DCC: variants seen among roughly 807,000 people sequenced by gnomAD.
DCC encodes the protein DCC netrin 1 receptor.
A neutral mutation model predicts 172.5 loss-of-function variants in DCC; 58 were observed. The ratio of observed to expected loss-of-function variants is 0.34; its 90% CI spans 0.27 to 0.42. The LOEUF (loss-of-function observed/expected upper bound fraction) is 0.42, where lower values mean the gene tolerates loss of function less well. DCC is among the 10% of genes least tolerant of loss of function. The pLI, the probability that DCC is intolerant of heterozygous loss-of-function variation, is 1.00. For missense variants in DCC, 1,740 were observed against 1,791.0 expected (o/e 0.97, Z 0.51); for synonymous variants, 709 against 644.5 (o/e 1.10, Z -1.52).
rs116957873 is a variant in DCC, at chr18:53,367,686, C to T, written c.2360-18357C>T. ...TAAATGACACCTGCCCATTCTCCTCCCTCCCTGTCCCTGGCAGCCACCACA... is the reference window on the plus strand; with the variant it reads ...TAAATGACACCTGCCCATTCTCCTCTCTCCCTGTCCCTGGCAGCCACCACA... On this transcript the variant is annotated intron_variant, in intron 15 of 28. Coordinates refer to ENST00000442544, the MANE Select transcript of DCC (RefSeq NM_005215.4). 5.6e-3 allele frequency among the ~76,000 whole-genome samples: 850 copies of T among 152,180 alleles called. 6 individuals are homozygous for T. Among genetic ancestry groups the T allele is most frequent in the Admixed American group, 0.024 (372 of 15,266 alleles).
intron 1 of DCC, among the ~76,000 whole-genome samples, chr18:52,552,753 C>G (rs1021633385): frequency 6.6e-6 from 1 of 151,918 alleles, no homozygotes; most frequent in East Asian, 1.9e-4. Context: ...TTCTAATTGA[C>G]TTGAAATTAT....
Position 52,458,376 on chromosome 18 carries a change from G to A in DCC, c.91+117498G>A, listed in dbSNP as rs1379801358. ...AGACTCATTGTCCCCCCCTGACTGCGTGTCTTAGGGGTACTGGGTGCAGTA... is the reference window on the plus strand; with the variant it reads ...AGACTCATTGTCCCCCCCTGACTGCATGTCTTAGGGGTACTGGGTGCAGTA... On this transcript the variant is annotated intron_variant, in intron 1 of 28. Coordinates refer to ENST00000442544, the MANE Select transcript of DCC (RefSeq NM_005215.4). Among the ~76,000 whole-genome samples the A allele has an allele frequency of 2.0e-5, 3 of 152,042 alleles. No homozygotes were observed. In the East Asian group the frequency reaches 5.8e-4, roughly 29 times the overall value.
At chr18:53,127,692 A>G (rs966825897) in intron 7 of DCC, among the ~76,000 whole-genome samples, 1 of 152,150 alleles carries the variant, frequency 6.6e-6, no homozygotes, top group African/African-American at 2.4e-5. Flanking sequence ...ATTTTTCTTC[A>G]AAGTAGTTAC....
At chr18:52,401,205 A>C (rs1182335864) in intron 1 of DCC, among the ~76,000 whole-genome samples, 1 of 152,002 alleles carries the variant, frequency 6.6e-6, no homozygotes. Flanking sequence ...GGACCGGTAA[A>C]GTTCATCAGA....
At position 52,761,951 on chromosome 18, in the gene DCC, A is replaced by C. The variant is rs186093484; in HGVS notation, c.412+9577A>C. 2.0e-5 allele frequency among the ~76,000 whole-genome samples: 3 copies of C among 152,042 alleles called. No homozygotes were observed. In the East Asian group the frequency reaches 5.8e-4, roughly 29 times the overall value. On this transcript the variant is annotated intron_variant, in intron 2 of 28. Coordinates refer to ENST00000442544, the MANE Select transcript of DCC (RefSeq NM_005215.4). Reference sequence around the variant, plus strand: ...GAAAAAAAAAAAGAAGAAGGAAAAAAAAGAATTTCCACAGCATCTGAGGAG... The same window carrying C: ...GAAAAAAAAAAAGAAGAAGGAAAAACAAGAATTTCCACAGCATCTGAGGAG...
At chr18:52,977,895 AG>A (rs1488979749) in intron 5 of DCC, among the ~76,000 whole-genome samples, 6 of 147,340 alleles carry the variant, frequency 4.1e-5, no homozygotes, top group Non-Finnish European at 7.5e-5. Flanking sequence ...AAAAAAAAAA[AG>A]AAAAGAAAAA....
chr18:53,062,185 G>A (rs1893457926), intron 5 of DCC, among the ~76,000 whole-genome samples: 1 of 151,994 alleles, frequency 6.6e-6, no homozygotes, highest in South Asian at 2.1e-4. Context: ...GGAAAAATCA[G>A]GACTTAAATC....
At position 53,207,961 on chromosome 18, in the gene DCC, T is replaced by A. The variant is rs2055679394; in HGVS notation, c.1861+144T>A. On this transcript the variant is annotated intron_variant, in intron 11 of 28. Transcript: ENST00000442544. ...GACTATTACAGTTAAATGTAAACTT[T>A]CTATCAAGATACATACTCCCAGCTG... 4.9e-5 allele frequency: 37 copies of A among 750,910 alleles called. 1 individual carries two copies. The South Asian group carries it at 5.7e-4, about 12-fold the overall frequency. The allele number at this position is 750,910 out of a possible 1,614,324, so 46.5% of individuals were successfully genotyped here. A position where few individuals can be genotyped will look rare whatever the true frequency, so the allele number is the denominator to read the frequency against.
At chr18:52,575,456 T>C (rs1245746504) in intron 1 of DCC, among the ~76,000 whole-genome samples, 1 of 152,160 alleles carries the variant, frequency 6.6e-6, no homozygotes, top group Admixed American at 6.5e-5. Flanking sequence ...GGAAATAAAA[T>C]GTTCTATTTT....
chr18:53,421,319 A>G (rs940327331), intron 21 of DCC, among the ~76,000 whole-genome samples: 4 of 152,218 alleles, frequency 2.6e-5, no homozygotes, highest in African/African-American at 7.2e-5. Context: ...GCGATGATAC[A>G]GTACCTTAAA....
intron 3 of DCC, among the ~76,000 whole-genome samples, chr18:52,921,799 T>C (rs2040130474): frequency 6.6e-6 from 1 of 151,498 alleles, no homozygotes; most frequent in Non-Finnish European, 1.5e-5. Flanking sequence ...CCTAGGTAAT[T>C]TTTTTTTCTT....
At chr18:52,788,575 T>TA (rs1023325500) in intron 2 of DCC, among the ~76,000 whole-genome samples, 29 of 152,338 alleles carry the variant, frequency 1.9e-4, no homozygotes, top group African/African-American at 3.4e-4. Context: ...TCATGTGAGC[T>TA]AAAAAATATT....
At chr18:53,411,162 A>C (rs965388999) in intron 20 of DCC, among the ~76,000 whole-genome samples, 3 of 152,162 alleles carry the variant, frequency 2.0e-5, no homozygotes, top group Non-Finnish European at 2.9e-5. Context: ...CTAGAAGAAA[A>C]AATGTTCATA....
chr18:52,632,746 C>T (rs780808826), intron 1 of DCC, among the ~76,000 whole-genome samples: 2 of 152,168 alleles, frequency 1.3e-5, no homozygotes, highest in Non-Finnish European at 2.9e-5. Context: ...ATCCTTATAA[C>T]TGTTTTCTGC....
At chr18:52,799,120 G>A (rs745893184) in intron 2 of DCC, among the ~76,000 whole-genome samples, 3 of 152,148 alleles carry the variant, frequency 2.0e-5, no homozygotes, top group Non-Finnish European at 2.9e-5. Context: ...TTCTTGTGAT[G>A]CTTAATACAT....
intron 1 of DCC, among the ~76,000 whole-genome samples, chr18:52,490,951 C>T (rs2030469839): frequency 6.6e-6 from 1 of 152,048 alleles, no homozygotes; most frequent in African/African-American, 2.4e-5. Flanking sequence ...CAATCAATTT[C>T]TTCTTTGACA....
chr18:53,395,130 A>T (rs1351911025), intron 17 of DCC, among the ~76,000 whole-genome samples: 1 of 148,176 alleles, frequency 6.7e-6, no homozygotes, highest in African/African-American at 2.5e-5. Flanking sequence ...AGCCTGAGTG[A>T]CAAGCACGAA....
intron 7 of DCC, among the ~76,000 whole-genome samples, chr18:53,099,935 C>CTTTTTTTTTTTTTTTTTTTTTT (rs1476054809): frequency 3.4e-5 from 4 of 117,112 alleles, no homozygotes; most frequent in African/African-American, 1.1e-4. Flanking sequence ...CTTTTCTTTT[C>CTTTTTTTTTTTTTTTTTTTTTT]TTTCTTTCTT....
intron 2 of DCC, among the ~76,000 whole-genome samples, chr18:52,763,931 T>C (rs1334012263): frequency 6.6e-6 from 1 of 152,250 alleles, no homozygotes; most frequent in Non-Finnish European, 1.5e-5. Context: ...TATTTCATGG[T>C]TTATGATTCA....
Sources: gnomAD v4.1 joint callset for allele counts (sites outside exome capture counted in the v4.1 genomes callset) on GRCh38, gnomAD v4.1.1 for gene constraint, MANE v1.5 for transcripts, NCBI Gene and HGNC (gene_info 2026-07-23, HGNC 2026-07-21) for gene names.